Variants in HOMER2 observed in about 807,000 individuals in gnomAD.
The protein encoded by HOMER2 is homer scaffold protein 2.
A neutral mutation model predicts 47.0 loss-of-function variants in HOMER2; 27 were observed. That is an observed-to-expected ratio of 0.57 (90% CI 0.42 to 0.79). The LOEUF (loss-of-function observed/expected upper bound fraction) is 0.79, where lower values mean the gene tolerates loss of function less well. Among genes scored for constraint, HOMER2 ranks in the 30% least tolerant of loss-of-function variants. The probability of loss-of-function intolerance (pLI) is 0.00; values close to 1 mark genes in which losing one functional copy is unlikely to be tolerated. For missense variants in HOMER2, 443 were observed against 435.0 expected, an observed-to-expected ratio of 1.02 and a Z score of -0.16; for synonymous variants, 161 against 163.8, an observed-to-expected ratio of 0.98 and a Z score of 0.13.
intron 1 of HOMER2, among the ~76,000 whole-genome samples, chr15:82,976,675 G>C (rs560935637): frequency 1.1e-5 from 1 of 92,990 alleles, no homozygotes; most frequent in Non-Finnish European, 1.9e-5. Flanking sequence ...AGATTTGTGT[G>C]TGGTTTTTTT....
Position 82,849,646 on chromosome 15 carries a change from C to T in HOMER2, c.*69G>A. On this transcript the variant is annotated 3_prime_UTR_variant, in exon 9 of 9. Transcript: ENST00000450735. ...TACAGAAGCAATGCACACAGAAGAA[C>T]GTCCTAGAGCTATCTGGTCTCGCAC... 8 of 1,369,220 alleles carry T rather than the reference C, an allele frequency of 5.8e-6. No homozygotes were observed. The highest frequency in any genetic ancestry group is 4.0e-5 in the South Asian group (3 of 74,432). The allele number at this position is 1,369,220 out of a possible 1,614,324, so 84.8% of individuals were successfully genotyped here.
intron 1 of HOMER2, among the ~76,000 whole-genome samples, chr15:82,929,427 G>A (rs560718994): frequency 7.9e-5 from 12 of 152,072 alleles, no homozygotes; most frequent in African/African-American, 2.7e-4. Flanking sequence ...AGGTCAAGGC[G>A]GGTGGAACAC....
At chr15:82,984,350 A>C (rs2030513478) in intron 1 of HOMER2, among the ~76,000 whole-genome samples, 1 of 152,114 alleles carries the variant, frequency 6.6e-6, no homozygotes, top group Non-Finnish European at 1.5e-5. Context: ...AATTATTGTA[A>C]CCTTGGTTGT....
Position 82,894,357 on chromosome 15 carries a change from C to T in HOMER2, c.6-1516G>A, listed in dbSNP as rs1596329438. On this transcript the variant is annotated intron_variant, in intron 1 of 8. Transcript: ENST00000450735. ...TTTATTTTTGAAGAAAGCATCTTTA[C>T]ACAGACTGGCTCAAAAATCCTTTAA... Among the ~76,000 whole-genome samples the T allele has an allele frequency of 2.0e-5, 3 of 152,280 alleles. No individual in the cohort carries two copies. In the South Asian group the frequency reaches 6.2e-4, roughly 32 times the overall value.
At position 82,985,224 on chromosome 15, in the gene HOMER2, A is replaced by G. The variant is rs1046833326; in HGVS notation, n.82+563T>C. Among the ~76,000 whole-genome samples, 4 of 152,342 alleles carry G rather than the reference A, an allele frequency of 2.6e-5. 1 individual carries two copies. In the East Asian group the frequency reaches 7.7e-4, roughly 29 times the overall value. On this transcript the variant is annotated intron_variant and non_coding_transcript_variant, in intron 1 of 1. Transcript: ENST00000500334. ...AAGGGGAACAGCAGAAAATAAAAAA[A>G]GTTTTGAATCCAAGTTAATAAACTT...
chr15:82,904,338 G>A (rs1206330164), intron 1 of HOMER2, among the ~76,000 whole-genome samples: 1 of 152,170 alleles, frequency 6.6e-6, no homozygotes, highest in African/African-American at 2.4e-5. Flanking sequence ...TACAATTGGG[G>A]AATTGCTGAA....
At chr15:82,931,034 A>C (rs571645230) in intron 1 of HOMER2, among the ~76,000 whole-genome samples, 12 of 151,962 alleles carry the variant, frequency 7.9e-5, no homozygotes, top group African/African-American at 2.9e-4. Context: ...GGGCTCCCTC[A>C]GTTGCCCATA....
At position 82,913,988 on chromosome 15, in the gene HOMER2, C is replaced by A. The variant is rs912458702; in HGVS notation, c.6-21147G>T. ...GTAGAAACGACCCAAAGTCTATCAA[C>A]AGATAAATGGATAAACAAAATGTGG... On this transcript the variant is annotated intron_variant, in intron 1 of 8. Coordinates refer to ENST00000450735, the MANE Select transcript of HOMER2 (RefSeq NM_004839.4). The surrounding 1 kb of genome is among the most constrained non-coding windows in gnomAD (Gnocchi z 4.1). 6.6e-6 allele frequency among the ~76,000 whole-genome samples: 1 copy of A among 152,048 alleles called. No homozygotes were observed. The highest frequency in any genetic ancestry group is 1.5e-5 in the Non-Finnish European group (1 of 68,016).
At chr15:82,933,813 T>C (rs1053327128) in intron 1 of HOMER2, among the ~76,000 whole-genome samples, 2 of 152,052 alleles carry the variant, frequency 1.3e-5, no homozygotes, top group Non-Finnish European at 2.9e-5. Context: ...CACCTTCCAC[T>C]CGAAATCCCC....
chr15:82,865,411 C>G (rs1596310662), intron 3 of HOMER2, among the ~76,000 whole-genome samples: 1 of 152,070 alleles, frequency 6.6e-6, no homozygotes, highest in Non-Finnish European at 1.5e-5. Context: ...AAAGCAGGGA[C>G]AGTACAAATA....
chr15:82,947,157 A>T (rs2054400011), intron 1 of HOMER2, among the ~76,000 whole-genome samples: 1 of 152,252 alleles, frequency 6.6e-6, no homozygotes, highest in Non-Finnish European at 1.5e-5. Context: ...AAGTTTAACA[A>T]ACCCACAGGA....
chr15:82,941,220 G>A (rs146741930), intron 1 of HOMER2, among the ~76,000 whole-genome samples: 8,054 of 151,926 alleles, frequency 0.053, 536 homozygotes, highest in African/African-American at 0.16. Context: ...GAAGCAGGCA[G>A]ATCACTTCAG....
intron 1 of HOMER2, among the ~76,000 whole-genome samples, chr15:82,978,323 C>A (rs2030276094): frequency 6.6e-6 from 1 of 152,074 alleles, no homozygotes; most frequent in Admixed American, 6.5e-5. Context: ...ATTACAATTC[C>A]TCACAGGAAT....
At chr15:82,851,706 G>A (rs145802820) in intron 7 of HOMER2, among the ~76,000 whole-genome samples, 253 of 152,240 alleles carry the variant, frequency 1.7e-3, no homozygotes, top group Non-Finnish European at 2.7e-3. Context: ...TGAGGTGGGC[G>A]GAATGCTTCA....
chr15:82,849,568 G>A lies in HOMER2; in HGVS notation c.*147C>T. On this transcript the variant is annotated 3_prime_UTR_variant, in exon 9 of 9. Transcript: ENST00000450735. ...GAGAGGAGATTTCTATTCTGAAAAG[G>A]AGTGAGTGGACGGCACAACTGGTTT... The A allele has an allele frequency of 6.2e-6, 4 of 641,424 alleles. No homozygotes were observed. Among genetic ancestry groups the A allele is most frequent in the Non-Finnish European group, 8.0e-6 (3 of 375,984 alleles). The allele number at this position is 641,424 out of a possible 1,614,324, so 39.7% of individuals were successfully genotyped here.
In HOMER2 at chr15:82,892,740, T is replaced by C. The variant is rs764914254; in HGVS notation, c.107A>G (p.Tyr36Cys). Residue 36 changes from tyrosine to cysteine, a missense_variant, in exon 2 of 9, where the codon TAC (tyrosine) becomes TGC (cysteine). Physicochemically the swap from Tyr to Cys is radical, Grantham distance 194. Coordinates refer to ENST00000450735, the MANE Select transcript of HOMER2 (RefSeq NM_004839.4). ...GCTGTTCCTTGTGACATCATAGAAG[T>C]AGGAAACGGTGACCGCCTGCTTGCT... Reference protein sequence around the residue: ...PASKQAVTVSYFYDVTRNSYR... With the variant: ...PASKQAVTVSCFYDVTRNSYR... 1.2e-6 allele frequency: 2 copies of C among 1,605,408 alleles called. No homozygotes were observed. The highest frequency in any genetic ancestry group is 1.1e-5 in the South Asian group (1 of 89,880).
chr15:82,948,518 G>A (rs562308163), intron 1 of HOMER2, among the ~76,000 whole-genome samples: 4 of 152,272 alleles, frequency 2.6e-5, no homozygotes, highest in South Asian at 2.1e-4. Flanking sequence ...AGCAGAGACC[G>A]TGCCACTGCA....
At chr15:82,939,601 CA>C (rs1184920996) in intron 1 of HOMER2, among the ~76,000 whole-genome samples, 2 of 152,138 alleles carry the variant, frequency 1.3e-5, no homozygotes, top group Non-Finnish European at 2.9e-5. Context: ...ACCTGGGAGG[CA>C]GAGGTTTCAG....
chr15:82,869,965 A>G (rs1258001150), intron 3 of HOMER2, among the ~76,000 whole-genome samples: 1 of 152,220 alleles, frequency 6.6e-6, no homozygotes, highest in Non-Finnish European at 1.5e-5. Context: ...AGGATATTCA[A>G]ATTGCAAAGG....
Sources: allele counts gnomAD v4.1 joint callset (sites outside exome capture counted in the v4.1 genomes callset), GRCh38; gene constraint gnomAD v4.1.1; non-coding constraint Gnocchi (gnomAD v3.1); transcripts MANE v1.5; gene names NCBI Gene and HGNC (gene_info 2026-07-23, HGNC 2026-07-21).